DCAF8L2: variants seen among roughly 807,000 people sequenced by gnomAD.
DCAF8L2 encodes the protein DDB1 and CUL4 associated factor 8 like 2.
For synonymous variants in DCAF8L2, 200 were observed against 190.9 expected (o/e 1.05, Z -0.39); for missense variants, 430 against 490.7 (o/e 0.88, Z 1.17).
At chrX:27,701,284 G>T (rs936139464) in intron 3 of DCAF8L2, among the ~76,000 whole-genome samples, 1 of 111,429 alleles carries the variant, frequency 9.0e-6, no homozygotes, top group Non-Finnish European at 1.9e-5. Flanking sequence ...ACAAATTTTA[G>T]AGAGAAAAGT....
Position 27,749,238 on chromosome X carries a change from GA to G in DCAF8L2, c.*451del, listed in dbSNP as rs1361851751. Among the ~76,000 whole-genome samples, 1 of 111,661 alleles carries G rather than the reference GA, an allele frequency of 9.0e-6. No homozygotes were observed. Among genetic ancestry groups the G allele is most frequent in the Non-Finnish European group, 1.9e-5 (1 of 53,194 alleles). On this transcript the variant is annotated 3_prime_UTR_variant, in exon 5 of 5. Transcript: ENST00000451261. ...GAAGATCGAGTTCCTCAGTTGACCTGAAAATTTCAGAAATGTGTTTCTTCTT... is the reference window on the plus strand; with the variant it reads ...GAAGATCGAGTTCCTCAGTTGACCTGAAATTTCAGAAATGTGTTTCTTCTT...
intron 1 of DCAF8L2, among the ~76,000 whole-genome samples, chrX:27,606,358 AATATATATATATATAT>A (rs200718182): frequency 2.5e-5 from 1 of 39,783 alleles, no homozygotes; most frequent in Non-Finnish European, 4.0e-5. Flanking sequence ...TATATCTAGG[AATATATATATATATAT>A]ATATATATTC....
the DCAF8L2 span, among the ~76,000 whole-genome samples, chrX:27,500,126 G>C: frequency 9.0e-6 from 1 of 111,571 alleles, no homozygotes; most frequent in Non-Finnish European, 1.9e-5. Context: ...AATAGGTAAA[G>C]GGACCATAGG....
chrX:27,569,695 C>G, the DCAF8L2 span, among the ~76,000 whole-genome samples: 1 of 111,323 alleles, frequency 9.0e-6, no homozygotes, highest in African/African-American at 3.3e-5. Context: ...AAAAAGTATG[C>G]AAAATTAAAG....
intron 4 of DCAF8L2, among the ~76,000 whole-genome samples, chrX:27,724,510 C>A (rs1040506900): frequency 9.1e-6 from 1 of 110,436 alleles, no homozygotes; most frequent in African/African-American, 3.3e-5. Context: ...TATAAAAATT[C>A]TTTAATTTTC....
At chrX:27,565,134 C>T in the DCAF8L2 span, among the ~76,000 whole-genome samples, 3,257 of 110,411 alleles carry the variant, frequency 0.029, 111 homozygotes, top group African/African-American at 0.1. Flanking sequence ...TGTACCAGAC[C>T]TTAGAGGGCA....
the DCAF8L2 span, among the ~76,000 whole-genome samples, chrX:27,531,102 T>G: frequency 3.6e-5 from 4 of 112,001 alleles, no homozygotes; most frequent in Non-Finnish European, 5.6e-5. Context: ...TGAGCATGTA[T>G]TAGTCTGTTC....
intron 4 of DCAF8L2, among the ~76,000 whole-genome samples, chrX:27,738,141 A>T (rs1439612823): frequency 1.8e-5 from 2 of 112,001 alleles, no homozygotes; most frequent in African/African-American, 6.5e-5. Context: ...GGGATATTCA[A>T]GTGGCACTGG....
intron 2 of DCAF8L2, among the ~76,000 whole-genome samples, chrX:27,638,181 T>C (rs1389467860): frequency 8.9e-6 from 1 of 112,053 alleles, no homozygotes; most frequent in African/African-American, 3.2e-5. Context: ...TGTATCTTGC[T>C]GGAATATCCC....
chrX:27,568,975 ACACACACACACACACACACAC>A, the DCAF8L2 span, among the ~76,000 whole-genome samples: 1 of 106,533 alleles, frequency 9.4e-6, no homozygotes, highest in Non-Finnish European at 1.9e-5. Context: ...ACACACACAC[ACACACACACACACACACACAC>A]AGAGTTAATT....
intron 2 of DCAF8L2, among the ~76,000 whole-genome samples, chrX:27,634,218 G>C (rs1928407098): frequency 2.7e-5 from 3 of 111,473 alleles, no homozygotes; most frequent in Admixed American, 9.5e-5. Flanking sequence ...TTCTTCAAAC[G>C]TTACTTGGGC....
chrX:27,666,841 A>G (rs1929756706), intron 2 of DCAF8L2, among the ~76,000 whole-genome samples: 1 of 112,080 alleles, frequency 8.9e-6, no homozygotes, highest in Admixed American at 9.5e-5. Flanking sequence ...ATTGTAACAT[A>G]TTATCCACAC....
chrX:27,519,368 A>T, the DCAF8L2 span: 44 of 1,153,094 alleles, frequency 3.8e-5, no homozygotes, highest in Non-Finnish European at 4.7e-5. Flanking sequence ...GCCGTAGCAA[A>T]ACAAGCTGCC....
intron 3 of DCAF8L2, among the ~76,000 whole-genome samples, chrX:27,692,403 T>C (rs903404800): frequency 4.5e-5 from 5 of 112,129 alleles, no homozygotes; most frequent in South Asian, 3.7e-4. Context: ...ATTTTTGGTG[T>C]CCCAATGGGT....
the DCAF8L2 span, among the ~76,000 whole-genome samples, chrX:27,514,668 CAAAAAA>C: frequency 4.0e-4 from 1 of 2,527 alleles, no homozygotes; most frequent in African/African-American, 1.2e-3. Context: ...GACTCCGTCT[CAAAAAA>C]AAAAAAAAAA....
intron 4 of DCAF8L2, among the ~76,000 whole-genome samples, chrX:27,745,351 C>A (rs2147344863): frequency 8.9e-6 from 1 of 111,902 alleles, no homozygotes; most frequent in South Asian, 3.7e-4. Flanking sequence ...TATATGAAAA[C>A]AATATAGACT....
the DCAF8L2 span, among the ~76,000 whole-genome samples, chrX:27,531,580 T>C: frequency 2.7e-5 from 3 of 112,246 alleles, no homozygotes; most frequent in Non-Finnish European, 5.6e-5. Flanking sequence ...TGCAAAATAA[T>C]CTGTAAATAA....
chrX:27,634,925 A>G (rs1279594487), intron 2 of DCAF8L2, among the ~76,000 whole-genome samples: 1 of 107,992 alleles, frequency 9.3e-6, no homozygotes, highest in Admixed American at 1.0e-4. Context: ...GGTCTCAAGC[A>G]TTTCAGATAA....
At chrX:27,718,641 GA>G (rs896529234) in intron 4 of DCAF8L2, among the ~76,000 whole-genome samples, 4 of 109,063 alleles carry the variant, frequency 3.7e-5, no homozygotes, top group African/African-American at 1.0e-4. Context: ...GGCCTAAGTA[GA>G]AAAAAAAACA....
Sources: gnomAD v4.1 joint callset for allele counts (sites outside exome capture counted in the v4.1 genomes callset) on GRCh38, gnomAD v4.1.1 for gene constraint, MANE v1.5 for transcripts, NCBI Gene and HGNC (gene_info 2026-07-23, HGNC 2026-07-21) for gene names.